CORO1C: variants seen among roughly 807,000 people sequenced by gnomAD.
The protein encoded by CORO1C is coronin-1C.
Under a neutral mutation model 51.2 loss-of-function variants are expected in CORO1C, and 14 were observed. The observed-to-expected ratio is 0.27, with a 90% CI of 0.18 to 0.43. The LOEUF is 0.43. Ranked by LOEUF, CORO1C falls within the 20% of genes least tolerant of loss-of-function variation. The pLI is 1.00. For missense variants in CORO1C, 417 were observed against 607.8 expected, an observed-to-expected ratio of 0.69 and a Z score of 3.30; for synonymous variants, 181 against 210.5, an observed-to-expected ratio of 0.86 and a Z score of 1.21.
At chr12:108,729,750 T>C (rs761261695) in intron 1 of CORO1C, among the ~76,000 whole-genome samples, 3 of 152,294 alleles carry the variant, frequency 2.0e-5, no homozygotes, top group Non-Finnish European at 4.4e-5. Flanking sequence ...AAGTCCAAAA[T>C]AGATTTTGCA....
chr12:108,712,429 G>A (rs1264187322), intron 1 of CORO1C, among the ~76,000 whole-genome samples: 1 of 151,566 alleles, frequency 6.6e-6, no homozygotes, highest in Non-Finnish European at 1.5e-5. Flanking sequence ...AAAAAATCAG[G>A]TGGGCGTGGT....
chr12:108,719,885 A>T (rs1406750584), intron 1 of CORO1C, among the ~76,000 whole-genome samples: 1 of 152,232 alleles, frequency 6.6e-6, no homozygotes, highest in Non-Finnish European at 1.5e-5. Flanking sequence ...TTGACTCTAA[A>T]GTCAAACTTG....
intron 2 of CORO1C, among the ~76,000 whole-genome samples, chr12:108,690,308 C>T (rs1228199535): frequency 6.6e-6 from 1 of 152,142 alleles, no homozygotes; most frequent in Non-Finnish European, 1.5e-5. Context: ...CTGGAATAAA[C>T]CCTACAGATT....
intron 1 of CORO1C, among the ~76,000 whole-genome samples, chr12:108,721,599 C>A (rs1254902273): frequency 2.0e-5 from 3 of 152,160 alleles, no homozygotes; most frequent in Non-Finnish European, 4.4e-5. Context: ...CCAGAAAAAT[C>A]AAGTCCCTAA....
intron 1 of CORO1C, among the ~76,000 whole-genome samples, chr12:108,720,257 A>C (rs1174142197): frequency 1.3e-5 from 2 of 152,206 alleles, no homozygotes; most frequent in Non-Finnish European, 2.9e-5. Context: ...CAGCCATAAG[A>C]AACCCATGCT....
Position 108,702,912 on chromosome 12 carries a change from T to C in CORO1C, c.-5-1589A>G, listed in dbSNP as rs575571754. 5 of 1,535,624 alleles carry C rather than the reference T, an allele frequency of 3.3e-6. No homozygotes were observed. In the African/African-American group the frequency reaches 4.1e-5, roughly 13 times the overall value. On this transcript the variant is annotated intron_variant, in intron 1 of 10. Coordinates refer to ENST00000261401, the MANE Select transcript of CORO1C (RefSeq NM_014325.4). Reference sequence around the variant, plus strand: ...TCCACGTTCCTTAGCCCAGCTGTTATTGCCAGACTTTCCCAGCTGACTACC... The same window carrying C: ...TCCACGTTCCTTAGCCCAGCTGTTACTGCCAGACTTTCCCAGCTGACTACC...
chr12:108,670,255 AG>A (rs780544609), intron 3 of CORO1C, among the ~76,000 whole-genome samples: 1 of 152,204 alleles, frequency 6.6e-6, no homozygotes, highest in Non-Finnish European at 1.5e-5. Flanking sequence ...AGGGACAGCA[AG>A]GGGACACCTG....
At chr12:108,650,079 G>A (rs1279878227) in intron 8 of CORO1C, among the ~76,000 whole-genome samples, 2 of 150,982 alleles carry the variant, frequency 1.3e-5, no homozygotes, top group Admixed American at 6.6e-5. Flanking sequence ...GGGTGGTAAA[G>A]GTTTATAAAA....
intron 7 of CORO1C, among the ~76,000 whole-genome samples, chr12:108,652,845 T>TCACAGACCCAAGGGCACCA (rs57173285): frequency 1.7e-4 from 26 of 151,918 alleles, no homozygotes; most frequent in Non-Finnish European, 3.4e-4. Context: ...GCAATGCTGT[T>TCACAGACCCAAGGGCACCA]ATGCCAGTAT....
intron 2 of CORO1C, among the ~76,000 whole-genome samples, chr12:108,690,917 G>C (rs2034471894): frequency 6.6e-6 from 1 of 152,148 alleles, no homozygotes; most frequent in South Asian, 2.1e-4. Context: ...CTAAGCCCTC[G>C]TAGTAAGCAA....
At chr12:108,663,764 G>A (rs2033366813) in intron 3 of CORO1C, among the ~76,000 whole-genome samples, 1 of 152,140 alleles carries the variant, frequency 6.6e-6, no homozygotes, top group East Asian at 1.9e-4. Flanking sequence ...AATTGTCTGT[G>A]GTGATGGTTG....
intron 1 of CORO1C, among the ~76,000 whole-genome samples, chr12:108,725,900 G>T (rs1280547569): frequency 6.6e-6 from 1 of 152,132 alleles, no homozygotes; most frequent in Non-Finnish European, 1.5e-5. Context: ...TGATGGCGCA[G>T]TCTAGGCTCC....
chr12:108,718,830 T>A (rs898072942), intron 1 of CORO1C, among the ~76,000 whole-genome samples: 1 of 152,202 alleles, frequency 6.6e-6, no homozygotes, highest in African/African-American at 2.4e-5. Flanking sequence ...AGAATTTAAC[T>A]CACTGGAGAT....
intron 2 of CORO1C, among the ~76,000 whole-genome samples, chr12:108,685,760 T>C (rs183844219): frequency 3.9e-5 from 6 of 152,300 alleles, no homozygotes; most frequent in Admixed American, 2.6e-4. Flanking sequence ...GAAAGTAGTA[T>C]TCTACTGTAG....
chr12:108,678,397 G>A lies in CORO1C; in HGVS notation c.196-3C>T, dbSNP rs776573433. On this transcript the variant is annotated splice_region_variant and splice_polypyrimidine_tract_variant and intron_variant, in intron 2 of 10. Coordinates refer to ENST00000261401, the MANE Select transcript of CORO1C (RefSeq NM_014325.4). ...TAAGATTTGTCAATTCGACCAGTCTGAAAGAAGAGAGAAACAAACCTATTA... is the reference window on the plus strand; with the variant it reads ...TAAGATTTGTCAATTCGACCAGTCTAAAAGAAGAGAGAAACAAACCTATTA... 3.8e-6 allele frequency: 6 copies of A among 1,572,382 alleles called. No homozygotes were observed. The highest frequency in any genetic ancestry group is 1.8e-5 in the Admixed American group (1 of 54,432).
chr12:108,693,216 T>C (rs2034559064), intron 2 of CORO1C, among the ~76,000 whole-genome samples: 1 of 152,182 alleles, frequency 6.6e-6, no homozygotes, highest in Admixed American at 6.5e-5. Flanking sequence ...TAAGTTCTAA[T>C]TCACAAACAA....
At chr12:108,702,933 C>T in intron 1 of CORO1C, 1 of 1,534,280 alleles carries the variant, frequency 6.5e-7, no homozygotes, top group South Asian at 1.2e-5. Flanking sequence ...TCCCAGCTGA[C>T]TACCAGGGCC....
Position 108,648,710 on chromosome 12 carries a change from C to T in CORO1C, c.1200G>A (p.Arg400=), listed in dbSNP as rs752757568. ...LKHGYIPGKN[R]DLKVVKKNIL... ...TGTTCTTCTTGACCACCTTGAGATC[C>T]CTGTTTTTGCCTGGAATGTACCCGT... Residue 400 remains arginine, a synonymous_variant, in exon 10 of 11, where the codon AGG becomes AGA. Coordinates refer to ENST00000261401, the MANE Select transcript of CORO1C (RefSeq NM_014325.4). 8.7e-6 allele frequency: 14 copies of T among 1,614,004 alleles called. No individual in the cohort carries two copies. The East Asian group carries it at 2.5e-4, about 28-fold the overall frequency.
In CORO1C at chr12:108,650,228, G is replaced by A. The variant is rs1030038945; in HGVS notation, c.1002-1208C>T. 1.3e-4 allele frequency among the ~76,000 whole-genome samples: 14 copies of A among 110,232 alleles called. No individual in the cohort carries two copies. In the South Asian group the frequency reaches 3.5e-3, roughly 27 times the overall value. The allele number at this position is 110,232 out of a possible 152,430, so 72.3% of individuals were successfully genotyped here. A position where few individuals can be genotyped will look rare whatever the true frequency, so the allele number is the denominator to read the frequency against. ...TTTTGGGACTGGGTCTTGCTCCATC[G>A]CCCAGGCTGGAGTGCAGTGGCACAA... On this transcript the variant is annotated intron_variant, in intron 8 of 10. Coordinates refer to ENST00000261401, the MANE Select transcript of CORO1C (RefSeq NM_014325.4).
Sources: gnomAD v4.1 joint callset for allele counts (sites outside exome capture counted in the v4.1 genomes callset) on GRCh38, gnomAD v4.1.1 for gene constraint, MANE v1.5 for transcripts, NCBI Gene and HGNC (gene_info 2026-07-23, HGNC 2026-07-21) for gene names.